Variants in NRG1 observed in about 807,000 individuals in gnomAD.
NRG1 encodes pro-neuregulin-1, membrane-bound isoform.
A neutral mutation model predicts 63.8 loss-of-function variants in NRG1; 18 were observed. The ratio of observed to expected loss-of-function variants is 0.28; its 90% confidence interval spans 0.19 to 0.42. The LOEUF is 0.42. Among genes scored for constraint, NRG1 ranks in the 10% least tolerant of loss-of-function variants. The pLI is 1.00. For synonymous variants in NRG1, 302 were observed against 301.3 expected (o/e 1.00, Z -0.02); for missense variants, 762 against 814.7 (o/e 0.94, Z 0.79).
chr8:32,437,584 T>C (rs1483287059), intron 1 of NRG1, among the ~76,000 whole-genome samples: 1 of 152,178 alleles, frequency 6.6e-6, no homozygotes, highest in African/African-American at 2.4e-5. Context: ...ATGACTGGTT[T>C]TCACAAAAAC....
Position 32,713,172 on chromosome 8 carries a change from G to A in NRG1, c.503-14777G>A, listed in dbSNP as rs151178669. On this transcript the variant is annotated intron_variant, in intron 5 of 11. Coordinates refer to ENST00000356819, the Ensembl canonical transcript of NRG1. ...ATTAAATTTCATTAGACTTATCAAC[G>A]AAGATCCTTTGTTGCCATATTGCTG... Among the ~76,000 whole-genome samples the A allele has an allele frequency of 1.5e-3, 221 of 152,160 alleles. 2 individuals are homozygous for A. Among genetic ancestry groups the A allele is most frequent in the African/African-American group, 5.0e-3 (206 of 41,508 alleles).
intron 10 of NRG1, 50 bp from the exon 11 acceptor site, chr8:32,760,150 A>T (rs763377547): frequency 1.9e-6 from 3 of 1,601,132 alleles, no homozygotes; most frequent in African/African-American, 2.7e-5. Context: ...ATTTTTTTGC[A>T]TATAATTTTT....
chr8:32,172,067 C>G (rs920172769), intron 1 of NRG1, among the ~76,000 whole-genome samples: 9 of 152,146 alleles, frequency 5.9e-5, no homozygotes, highest in Admixed American at 6.5e-5. Context: ...GTCCCTGACC[C>G]CTGAGTAGCC....
At chr8:31,718,597 C>T (rs1812597391) in intron 1 of NRG1, among the ~76,000 whole-genome samples, 1 of 152,172 alleles carries the variant, frequency 6.6e-6, no homozygotes. Flanking sequence ...TTGATACTCA[C>T]AAATAATGCC....
At chr8:32,427,085 TAG>T (rs1326761293) in intron 1 of NRG1, among the ~76,000 whole-genome samples, 1 of 152,096 alleles carries the variant, frequency 6.6e-6, no homozygotes, top group Admixed American at 6.6e-5. Flanking sequence ...TTTCTCTAAA[TAG>T]AGTCTTAGGT....
At chr8:32,544,686 T>TC (rs1436445862), upstream of NRG1, among the ~76,000 whole-genome samples, 1 of 138,128 alleles carries the variant, frequency 7.2e-6, no homozygotes, top group African/African-American at 2.7e-5. Context: ...TATCTTTTTT[T>TC]TTTTTTTTTT....
intron 1 of NRG1, among the ~76,000 whole-genome samples, chr8:32,331,388 G>C (rs1268082463): frequency 2.1e-5 from 3 of 141,234 alleles, no homozygotes; most frequent in Non-Finnish European, 3.1e-5. Flanking sequence ...AAAAATAGCT[G>C]GGTGTGGTGA....
chr8:32,199,042 G>A (rs370016464), intron 1 of NRG1, among the ~76,000 whole-genome samples: 2 of 152,088 alleles, frequency 1.3e-5, no homozygotes, highest in South Asian at 4.2e-4. Flanking sequence ...GACTATGACC[G>A]CTCTGCTTAT....
chr8:32,684,059 T>C (rs1259863548), intron 5 of NRG1, among the ~76,000 whole-genome samples: 3 of 151,966 alleles, frequency 2.0e-5, no homozygotes, highest in African/African-American at 7.3e-5. Flanking sequence ...TAGCCAGGTA[T>C]ATTGGTGCAC....
intron 1 of NRG1, among the ~76,000 whole-genome samples, chr8:32,341,802 T>G (rs1367271422): frequency 6.6e-6 from 1 of 152,142 alleles, no homozygotes; most frequent in Non-Finnish European, 1.5e-5. Context: ...AAGTATAGAG[T>G]ATTTCTGAGT....
Position 31,790,523 on chromosome 8 carries a change from T to A in NRG1, c.37+151092T>A, listed in dbSNP as rs376179676. ...TTAACCCCTCTGGACATTTAATTCC[T>A]CATCTGTGAAGGAGTTACACAAGAA... On this transcript the variant is annotated intron_variant, in intron 1 of 10. Transcript: ENST00000519301. Among the ~76,000 whole-genome samples the A allele has an allele frequency of 5.9e-5, 9 of 152,342 alleles. No homozygotes were observed. In the East Asian group the frequency reaches 7.7e-4, roughly 13 times the overall value.
intron 1 of NRG1, among the ~76,000 whole-genome samples, chr8:32,581,083 C>T (rs187196676): frequency 1.3e-5 from 2 of 152,272 alleles, no homozygotes; most frequent in African/African-American, 4.8e-5. Context: ...CTATCTCTTG[C>T]CCCCTAACCA....
At chr8:32,238,931 C>G (rs1404663458) in intron 1 of NRG1, among the ~76,000 whole-genome samples, 1 of 152,084 alleles carries the variant, frequency 6.6e-6, no homozygotes, top group Non-Finnish European at 1.5e-5. Flanking sequence ...CAGAGACATA[C>G]TTTTCACGCA....
intron 5 of NRG1, among the ~76,000 whole-genome samples, chr8:32,630,869 T>C (rs1850159461): frequency 6.6e-6 from 1 of 152,150 alleles, no homozygotes; most frequent in South Asian, 2.1e-4. Flanking sequence ...AATGGCACTA[T>C]CTCAAAATCT....
Position 31,761,279 on chromosome 8 carries a change from A to G in NRG1, c.37+121848A>G, listed in dbSNP as rs186332892. Among the ~76,000 whole-genome samples the G allele has an allele frequency of 7.9e-4, 120 of 152,184 alleles. 1 individual carries two copies. Among genetic ancestry groups the G allele is most frequent in the African/African-American group, 2.8e-3 (116 of 41,518 alleles). On this transcript the variant is annotated intron_variant, in intron 1 of 10. Coordinates refer to the NRG1 transcript ENST00000519301. ...AGAACACATGGACACAGGAAGGGGA[A>G]CATCACACTCTGGGGACTGTTGTGG...
intron 1 of NRG1, among the ~76,000 whole-genome samples, chr8:32,033,287 A>C (rs1037568972): frequency 1.3e-5 from 2 of 151,794 alleles, no homozygotes; most frequent in African/African-American, 4.8e-5. Context: ...TGAGTTCTCT[A>C]TTCTGTTCCA....
chr8:31,839,230 C>A (rs1401321602), intron 1 of NRG1, among the ~76,000 whole-genome samples: 1 of 152,136 alleles, frequency 6.6e-6, no homozygotes, highest in Non-Finnish European at 1.5e-5. Context: ...CTATTCGTTG[C>A]CCATTCTTGT....
At chr8:32,257,299 T>C (rs1436043181) in intron 1 of NRG1, among the ~76,000 whole-genome samples, 1 of 152,178 alleles carries the variant, frequency 6.6e-6, no homozygotes, top group African/African-American at 2.4e-5. Flanking sequence ...TGAACAGTTC[T>C]GTCTCACTGG....
chr8:31,843,669 A>G (rs1235278912), intron 1 of NRG1, among the ~76,000 whole-genome samples: 1 of 152,168 alleles, frequency 6.6e-6, no homozygotes, highest in Non-Finnish European at 1.5e-5. Flanking sequence ...TGTTTATGAC[A>G]TTAATAAGAA....
Sources: allele counts gnomAD v4.1 joint callset (sites outside exome capture counted in the v4.1 genomes callset), GRCh38; gene constraint gnomAD v4.1.1; transcripts MANE v1.5; gene names NCBI Gene and HGNC (gene_info 2026-07-23, HGNC 2026-07-21).